The following MIER1 variants were observed in gnomAD, a reference collection of about 807,000 sequenced individuals.
MIER1 encodes mesoderm induction early response protein 1.
Under a neutral mutation model 75.7 loss-of-function variants are expected in MIER1, and 40 were observed. That is an observed-to-expected ratio of 0.53 (90% confidence interval 0.41 to 0.69). The LOEUF (loss-of-function observed/expected upper bound fraction) is 0.69. Ranked by LOEUF, MIER1 falls within the 30% of genes least tolerant of loss-of-function variation. MIER1 has a pLI of 0.00. For synonymous variants in MIER1, 213 were observed against 223.4 expected (o/e 0.95, Z 0.42); for missense variants, 574 against 680.2 (o/e 0.84, Z 1.74).
At chr1:66,973,570 TAATTTATACTCCA>T (rs1199069353) in intron 11 of MIER1, among the ~76,000 whole-genome samples, 13 of 152,118 alleles carry the variant, frequency 8.5e-5, no homozygotes, top group Non-Finnish European at 1.5e-4. Context: ...ATCAGTCATG[TAATTTATACTCCA>T]AATAGCTTTA....
chr1:66,984,467 T>A (rs1431513933), intron 13 of MIER1, 105 bp from the exon 14 acceptor site: 1 of 830,646 alleles, frequency 1.2e-6, no homozygotes, highest in Non-Finnish European at 1.9e-6. Context: ...ACTATGTATT[T>A]GATACCTTGC....
chr1:66,977,137 C>T (rs529765982), intron 12 of MIER1, among the ~76,000 whole-genome samples: 53 of 150,134 alleles, frequency 3.5e-4, no homozygotes, highest in African/African-American at 1.2e-3. Context: ...GAGATGTAGT[C>T]TCAAATCTGT....
chr1:66,962,994 A>G lies in MIER1; in HGVS notation c.700-94A>G, dbSNP rs915832247. The G allele has an allele frequency of 9.8e-6, 8 of 813,516 alleles. No individual in the cohort carries two copies. In the African/African-American group the frequency reaches 1.4e-4, roughly 14 times the overall value. 50.4% of individuals were successfully genotyped at this position (813,516 alleles called of 1,614,324 possible). On this transcript the variant is annotated intron_variant, in intron 7 of 13. Transcript: ENST00000401041. ...TTGTTTTTGTATTTTATGACAGAGA[A>G]ACCAGGAACAGTTTACTAAGATGGT...
At position 66,986,417 on chromosome 1, in the gene MIER1, C is replaced by T; in HGVS notation, c.*1517C>T. 2 of 1,613,156 alleles carry T rather than the reference C, an allele frequency of 1.2e-6. 1 individual carries two copies. The highest frequency in any genetic ancestry group is 2.2e-5 in the South Asian group (2 of 91,042). On this transcript the variant is annotated 3_prime_UTR_variant, in exon 14 of 14. Transcript: ENST00000401041. ...TTCTCACACAGGCATACTCCAAATG[C>T]TTCTTCCAGTTCATTTTTCAGCCAT...
chr1:66,972,062 A>C (rs918202027), intron 10 of MIER1, among the ~76,000 whole-genome samples: 22 of 151,452 alleles, frequency 1.5e-4, no homozygotes, highest in African/African-American at 5.3e-4. Context: ...TAATACCTTT[A>C]CTTAAAGGTA....
At chr1:66,971,622 C>T in intron 9 of MIER1, 33 bp from the exon 10 acceptor site, 1 of 1,082,042 alleles carries the variant, frequency 9.2e-7, no homozygotes, top group Non-Finnish European at 1.4e-6. Flanking sequence ...GTTTATAGTC[C>T]TTGTCACATA....
chr1:66,929,032 A>G lies in MIER1; in HGVS notation c.168+2790A>G. 3 of 937,676 alleles carry G rather than the reference A, an allele frequency of 3.2e-6. No individual in the cohort carries two copies. The South Asian group carries it at 4.4e-5, about 14-fold the overall frequency. 58.1% of individuals were successfully genotyped at this position (937,676 alleles called of 1,614,324 possible). On this transcript the variant is annotated intron_variant, in intron 2 of 13. Transcript: ENST00000401041. ...GCAGTTTATTCATGCACAGATTATT[A>G]TTGGACATAACAGTTTCAAATTAAC...
intron 11 of MIER1, among the ~76,000 whole-genome samples, chr1:66,975,137 A>C (rs1664442773): frequency 1.3e-5 from 2 of 152,210 alleles, no homozygotes; most frequent in Admixed American, 1.3e-4. Context: ...CTTTAGGTGC[A>C]ATCAGTGCTA....
chr1:66,935,898 T>C (rs1003991855), intron 2 of MIER1, among the ~76,000 whole-genome samples: 1 of 152,176 alleles, frequency 6.6e-6, no homozygotes, highest in Admixed American at 6.5e-5. Context: ...AAGAACTATG[T>C]ATGGAAGAAC....
At chr1:66,940,944 T>C (rs1407818817) in intron 3 of MIER1, among the ~76,000 whole-genome samples, 3 of 152,222 alleles carry the variant, frequency 2.0e-5, no homozygotes, top group Admixed American at 6.5e-5. Context: ...GTGAACCCTC[T>C]GAGGCATAGT....
chr1:66,963,251 G>A, intron 8 of MIER1, 91 bp downstream of exon 8: 1 of 795,138 alleles, frequency 1.3e-6, no homozygotes, highest in Non-Finnish European at 2.1e-6. Flanking sequence ...GAACATGACA[G>A]CCTACTAAGT....
At chr1:66,937,843 T>C (rs374776720) in intron 2 of MIER1, among the ~76,000 whole-genome samples, 13 of 152,186 alleles carry the variant, frequency 8.5e-5, no homozygotes, top group Admixed American at 5.9e-4. Context: ...TATTTAACTT[T>C]AAAGAATCTA....
chr1:66,939,528 A>T (rs1655679934), intron 2 of MIER1, among the ~76,000 whole-genome samples: 1 of 152,172 alleles, frequency 6.6e-6, no homozygotes, highest in African/African-American at 2.4e-5. Context: ...TTTGGTGCTT[A>T]AACAGAATTT....
intron 2 of MIER1, among the ~76,000 whole-genome samples, chr1:66,934,572 CTTT>C (rs34540359): frequency 7.2e-6 from 1 of 138,270 alleles, no homozygotes; most frequent in Non-Finnish European, 1.5e-5. Flanking sequence ...TCATGCCCGG[CTTT>C]TTTTTTTTTT....
At chr1:66,930,337 T>C in intron 2 of MIER1, 1 of 1,602,258 alleles carries the variant, frequency 6.2e-7, no homozygotes, top group Non-Finnish European at 8.5e-7. Context: ...ATCCGGGTTC[T>C]GGCCGTGACC....
rs995602005 is a variant in MIER1 at position 66,930,220 on chromosome 1, T to G, written c.168+3978T>G. ...GCCGGGGCGCCGCGAGGGGGCGGAG[T>G]GGGGTGTGGTGGGCGCGCTCGGGCG... On this transcript the variant is annotated intron_variant, in intron 2 of 13. Transcript: ENST00000401041. The G allele has an allele frequency of 8.7e-6, 12 of 1,376,874 alleles. No individual in the cohort carries two copies. The African/African-American group carries it at 9.2e-5, about 11-fold the overall frequency. 85.3% of individuals were successfully genotyped at this position (1,376,874 alleles called of 1,614,324 possible).
chr1:66,979,785 G>A (rs1271605908), intron 12 of MIER1, among the ~76,000 whole-genome samples: 3 of 148,930 alleles, frequency 2.0e-5, no homozygotes, highest in African/African-American at 7.5e-5. Context: ...TTTTAAAGAC[G>A]GAGTCTCAAC....
intron 11 of MIER1, among the ~76,000 whole-genome samples, chr1:66,974,193 A>G (rs1487554506): frequency 1.3e-5 from 2 of 152,094 alleles, no homozygotes; most frequent in Admixed American, 1.3e-4. Context: ...TTTACCGCAG[A>G]TAACACTAAT....
intron 7 of MIER1, among the ~76,000 whole-genome samples, chr1:66,960,575 G>A (rs1191533732): frequency 6.6e-6 from 1 of 152,168 alleles, no homozygotes; most frequent in Non-Finnish European, 1.5e-5. Flanking sequence ...CTACTTGGGA[G>A]GCTGAGGTAG....
Sources: allele counts gnomAD v4.1 joint callset (sites outside exome capture counted in the v4.1 genomes callset), GRCh38; gene constraint gnomAD v4.1.1; transcripts MANE v1.5; gene names NCBI Gene and HGNC (gene_info 2026-07-23, HGNC 2026-07-21).